Variants in EPHA6 observed in about 807,000 individuals in gnomAD.
The protein encoded by EPHA6 is EPH receptor A6, also known as ephrin type-A receptor 6.
EPHA6 carries 50 observed loss-of-function variants against 112.0 expected under a neutral mutation model. That is an observed-to-expected ratio of 0.45 (90% CI 0.36 to 0.56). The LOEUF (loss-of-function observed/expected upper bound fraction) is 0.56. Ranked by LOEUF, EPHA6 falls within the 20% of genes least tolerant of loss-of-function variation. The pLI is 0.00. For synonymous variants in EPHA6, 529 were observed against 490.7 expected (o/e 1.08, Z -1.03); for missense variants, 1,280 against 1,417.4 (o/e 0.90, Z 1.56).
In EPHA6 at chr3:97,646,942, G is replaced by A. The variant is rs546565149; in HGVS notation, c.2784+8860G>A. On this transcript the variant is annotated intron_variant, in intron 14 of 17. Transcript: ENST00000389672. ...GGACCCTGAAAGGCAGTCCACTCTG[G>A]ATTATGTACTTCAGGGGCCACATGA... Among the ~76,000 whole-genome samples the A allele has an allele frequency of 8.5e-5, 13 of 152,214 alleles. No homozygotes were observed. In the South Asian group the frequency reaches 1.7e-3, roughly 19 times the overall value.
At chr3:97,243,303 T>A (rs1472374873) in intron 4 of EPHA6, among the ~76,000 whole-genome samples, 1 of 151,878 alleles carries the variant, frequency 6.6e-6, no homozygotes, top group Admixed American at 6.6e-5. Context: ...CAGTGGCCCC[T>A]TTTTATCCCT....
intron 2 of EPHA6, among the ~76,000 whole-genome samples, chr3:96,959,372 C>G (rs955297030): frequency 1.3e-5 from 2 of 151,928 alleles, no homozygotes; most frequent in Non-Finnish European, 2.9e-5. Context: ...TTTTTGTTGT[C>G]TAGTTGGCAG....
At chr3:97,555,240 T>G (rs1311885858) in intron 11 of EPHA6, among the ~76,000 whole-genome samples, 4 of 152,112 alleles carry the variant, frequency 2.6e-5, no homozygotes, top group African/African-American at 9.7e-5. Flanking sequence ...TTCATCCATG[T>G]CCCTACAAAG....
At chr3:96,965,576 G>T (rs1281086295) in intron 2 of EPHA6, among the ~76,000 whole-genome samples, 1 of 151,950 alleles carries the variant, frequency 6.6e-6, no homozygotes, top group Non-Finnish European at 1.5e-5. Flanking sequence ...TTTTCTTACA[G>T]ATATTAATGC....
At chr3:97,019,287 A>G (rs1013873060) in intron 3 of EPHA6, among the ~76,000 whole-genome samples, 2 of 152,076 alleles carry the variant, frequency 1.3e-5, no homozygotes, top group African/African-American at 4.8e-5. Flanking sequence ...ATTTTTCTTA[A>G]TATTGATACA....
chr3:97,375,626 A>G (rs1319626334), intron 5 of EPHA6, among the ~76,000 whole-genome samples: 2 of 152,158 alleles, frequency 1.3e-5, no homozygotes, highest in Non-Finnish European at 2.9e-5. Flanking sequence ...GCTCAGCTTA[A>G]TTTTTTGAGG....
At chr3:97,663,302 T>A (rs1216459737) in intron 14 of EPHA6, among the ~76,000 whole-genome samples, 1 of 152,076 alleles carries the variant, frequency 6.6e-6, no homozygotes, top group Non-Finnish European at 1.5e-5. Context: ...TAATATTTTA[T>A]TTTTTGTGGA....
At chr3:97,571,010 A>G (rs1484900941) in intron 11 of EPHA6, among the ~76,000 whole-genome samples, 3 of 152,164 alleles carry the variant, frequency 2.0e-5, no homozygotes, top group Admixed American at 1.3e-4. Context: ...AGAAAGGTCA[A>G]AATAAAATAG....
intron 3 of EPHA6, among the ~76,000 whole-genome samples, chr3:97,142,265 G>A (rs982422106): frequency 3.3e-5 from 5 of 151,950 alleles, no homozygotes; most frequent in African/African-American, 1.2e-4. Flanking sequence ...AACAAGAACA[G>A]TTTTTATATT....
intron 2 of EPHA6, among the ~76,000 whole-genome samples, chr3:96,912,469 A>G (rs1162012869): frequency 2.6e-5 from 4 of 152,180 alleles, no homozygotes; most frequent in Non-Finnish European, 5.9e-5. Context: ...GAAATAATAG[A>G]GGAGGTGCCT....
intron 3 of EPHA6, among the ~76,000 whole-genome samples, chr3:97,103,539 A>G (rs1291977136): frequency 6.6e-6 from 1 of 152,154 alleles, no homozygotes; most frequent in Non-Finnish European, 1.5e-5. Flanking sequence ...TGGTTAATGT[A>G]GCCCTGTAGT....
chr3:97,194,939 A>G (rs1169821827), intron 3 of EPHA6, among the ~76,000 whole-genome samples: 1 of 151,846 alleles, frequency 6.6e-6, no homozygotes, highest in Non-Finnish European at 1.5e-5. Context: ...TTTTCAGTCT[A>G]TGTGTGGCTT....
intron 7 of EPHA6, among the ~76,000 whole-genome samples, chr3:97,462,208 T>C (rs892925053): frequency 2.0e-5 from 3 of 152,134 alleles, no homozygotes; most frequent in African/African-American, 7.2e-5. Flanking sequence ...CCATTTCTTA[T>C]GATTATTTTG....
At chr3:97,146,772 A>G (rs1303484384) in intron 3 of EPHA6, among the ~76,000 whole-genome samples, 1 of 151,918 alleles carries the variant, frequency 6.6e-6, no homozygotes, top group Admixed American at 6.6e-5. Context: ...TTATACTAAC[A>G]GCTTTCTAAT....
intron 1 of EPHA6, among the ~76,000 whole-genome samples, chr3:96,822,730 A>G (rs2033360757): frequency 6.6e-6 from 1 of 150,492 alleles, no homozygotes; most frequent in Non-Finnish European, 1.5e-5. Flanking sequence ...ATAATTTATT[A>G]TGTTAATTCA....
intron 3 of EPHA6, among the ~76,000 whole-genome samples, chr3:97,055,588 A>G (rs1228730432): frequency 6.6e-6 from 1 of 152,184 alleles, no homozygotes; most frequent in Non-Finnish European, 1.5e-5. Flanking sequence ...GGTAGGAGAC[A>G]TTAAGAAAAC....
chr3:97,187,017 T>C (rs2077158284), intron 3 of EPHA6, among the ~76,000 whole-genome samples: 2 of 152,162 alleles, frequency 1.3e-5, no homozygotes, highest in Non-Finnish European at 2.9e-5. Flanking sequence ...CACCATACTT[T>C]TATAACCAAT....
At chr3:97,169,559 A>G (rs1215568427) in intron 3 of EPHA6, among the ~76,000 whole-genome samples, 1 of 152,160 alleles carries the variant, frequency 6.6e-6, no homozygotes, top group Non-Finnish European at 1.5e-5. Flanking sequence ...GAGGCTTATT[A>G]AAGCCTCTCT....
rs114487894 is a variant in EPHA6 at position 97,067,835 on chromosome 3, A to G, written c.1114+79842A>G. ...TGTCAAGAAGAGAGAGGTAAGTAGC[A>G]CTAGTTCAATAAAGACTCAGGGATA... is the stretch of plus-strand genomic sequence containing the variant. On this transcript the variant is annotated intron_variant, in intron 3 of 17. Transcript: ENST00000389672. Among the ~76,000 whole-genome samples, 447 of 152,086 alleles carry G rather than the reference A, an allele frequency of 2.9e-3. 3 individuals are homozygous for G. Among genetic ancestry groups the G allele is most frequent in the African/African-American group, 9.8e-3 (405 of 41,512 alleles).
Sources: allele counts gnomAD v4.1 joint callset (sites outside exome capture counted in the v4.1 genomes callset), GRCh38; gene constraint gnomAD v4.1.1; transcripts MANE v1.5; gene names NCBI Gene and HGNC (gene_info 2026-07-23, HGNC 2026-07-21).